The following EEPD1 variants were observed in gnomAD, a reference collection of about 807,000 sequenced individuals.
EEPD1 encodes endonuclease/exonuclease/phosphatase family domain containing 1, also known as endonuclease/exonuclease/phosphatase family domain-containing protein 1.
A neutral mutation model predicts 46.3 loss-of-function variants in EEPD1; 17 were observed. That is an observed-to-expected ratio of 0.37 (90% CI 0.25 to 0.55). EEPD1 has a LOEUF of 0.55. EEPD1 is among the 20% of genes least tolerant of loss of function. The probability of loss-of-function intolerance (pLI) is 0.83; values close to 1 mark genes in which losing one functional copy is unlikely to be tolerated. For synonymous variants in EEPD1, 313 were observed against 315.6 expected, an observed-to-expected ratio of 0.99 and a Z score of 0.09; for missense variants, 673 against 745.6, an observed-to-expected ratio of 0.90 and a Z score of 1.13.
intron 2 of EEPD1, among the ~76,000 whole-genome samples, chr7:36,218,951 C>T (rs1289975211): frequency 6.6e-6 from 1 of 151,884 alleles, no homozygotes; most frequent in Non-Finnish European, 1.5e-5. Context: ...AGGAGAAAGG[C>T]CTGGAGGAGA....
chr7:36,291,843 GACA>G (rs1280168875), intron 6 of EEPD1, among the ~76,000 whole-genome samples: 2 of 152,200 alleles, frequency 1.3e-5, no homozygotes, highest in Admixed American at 6.5e-5. Context: ...CCTGCTGTGG[GACA>G]ACAAGGGTCA....
chr7:36,259,395 T>C (rs1338091242), intron 3 of EEPD1, among the ~76,000 whole-genome samples: 1 of 152,238 alleles, frequency 6.6e-6, no homozygotes, highest in African/African-American at 2.4e-5. Context: ...TAGTAAGATA[T>C]AGAAACGTTA....
chr7:36,237,158 C>T (rs1242117614), intron 2 of EEPD1, among the ~76,000 whole-genome samples: 1 of 152,228 alleles, frequency 6.6e-6, no homozygotes, highest in African/African-American at 2.4e-5. Context: ...AGCTTCACTC[C>T]TCAAGTCAGC....
At chr7:36,209,173 A>G (rs1252921584) in intron 2 of EEPD1, among the ~76,000 whole-genome samples, 1 of 152,220 alleles carries the variant, frequency 6.6e-6, no homozygotes, top group Non-Finnish European at 1.5e-5. Context: ...TAAGCATACC[A>G]TAAGTGCTTG....
At chr7:36,259,168 C>T (rs1470958461) in intron 3 of EEPD1, among the ~76,000 whole-genome samples, 1 of 152,146 alleles carries the variant, frequency 6.6e-6, no homozygotes, top group Non-Finnish European at 1.5e-5. Context: ...CCTCCGTGGG[C>T]TGCACCCACT....
chr7:36,283,848 G>A (rs142054088), intron 4 of EEPD1, among the ~76,000 whole-genome samples: 2 of 152,328 alleles, frequency 1.3e-5, no homozygotes, highest in African/African-American at 2.4e-5. Flanking sequence ...ATGGGGAAGA[G>A]TGGTGATGAG....
At chr7:36,217,263 A>C (rs1311839119) in intron 2 of EEPD1, among the ~76,000 whole-genome samples, 1 of 152,262 alleles carries the variant, frequency 6.6e-6, no homozygotes, top group Admixed American at 6.5e-5. Flanking sequence ...GAGGTGGGCA[A>C]TTCCTGGAAC....
Position 36,153,511 on chromosome 7 carries a change from C to G in EEPD1, c.-356C>G, listed in dbSNP as rs1302882316. The G allele has an allele frequency of 6.6e-6, 1 of 152,280 alleles. No homozygotes were observed. The highest frequency in any genetic ancestry group is 2.4e-5 in the African/African-American group (1 of 41,452). The allele number at this position is 152,280 out of a possible 1,614,324, so 9.4% of individuals were successfully genotyped here. ...GTTTCTCCCATAGAAAGAGCCGGGA[C>G]ACGCAGACCGAAGCGGCGTAGTCGG... On this transcript the variant is annotated 5_prime_UTR_variant, in exon 1 of 8. Transcript: ENST00000242108.
chr7:36,197,947 G>A lies in EEPD1; in HGVS notation c.879-41038G>A, dbSNP rs151179485. On this transcript the variant is annotated intron_variant, in intron 2 of 7. Coordinates refer to ENST00000242108, the MANE Select transcript of EEPD1 (RefSeq NM_030636.3). ...TGGAAAATTCAACAATACTAGAATAGCATTCTTCCATGGAGCTGAGTAGTT... is the reference window on the plus strand; with the variant it reads ...TGGAAAATTCAACAATACTAGAATAACATTCTTCCATGGAGCTGAGTAGTT... 5.3e-3 allele frequency among the ~76,000 whole-genome samples: 804 copies of A among 151,848 alleles called. 4 individuals are homozygous for A. Among genetic ancestry groups the A allele is most frequent in the African/African-American group, 0.018 (756 of 41,426 alleles).
intron 3 of EEPD1, among the ~76,000 whole-genome samples, chr7:36,250,643 C>G (rs903621842): frequency 2.0e-5 from 3 of 152,150 alleles, no homozygotes; most frequent in African/African-American, 7.2e-5. Flanking sequence ...TCTTATTTGG[C>G]CTTTTATAGA....
intron 3 of EEPD1, among the ~76,000 whole-genome samples, chr7:36,249,190 A>G (rs1240332627): frequency 6.6e-6 from 1 of 152,206 alleles, no homozygotes; most frequent in East Asian, 1.9e-4. Flanking sequence ...TCCCTCAGCT[A>G]TCAAAGATAA....
chr7:36,211,583 A>G (rs1785934026), intron 2 of EEPD1, among the ~76,000 whole-genome samples: 2 of 152,188 alleles, frequency 1.3e-5, no homozygotes, highest in African/African-American at 4.8e-5. Context: ...AAACCCTGAG[A>G]AAAAAATCAG....
At chr7:36,157,290 C>T (rs1466826522) in intron 2 of EEPD1, among the ~76,000 whole-genome samples, 1 of 152,126 alleles carries the variant, frequency 6.6e-6, no homozygotes, top group Non-Finnish European at 1.5e-5. Context: ...TATAATTATT[C>T]AACCTTGTGA....
At chr7:36,197,164 CCCTCCGCCCGGCT>C in intron 2 of EEPD1, among the ~76,000 whole-genome samples, 1 of 144,214 alleles carries the variant, frequency 6.9e-6, no homozygotes, top group African/African-American at 2.6e-5. Context: ...AGTGAGGAGC[CCCTCCGCCCGGCT>C]GCCACCCCGT....
intron 2 of EEPD1, among the ~76,000 whole-genome samples, chr7:36,207,439 T>C (rs1785842118): frequency 6.6e-6 from 1 of 152,202 alleles, no homozygotes; most frequent in African/African-American, 2.4e-5. Flanking sequence ...CTGACCCTGG[T>C]ATGTCCATTT....
At chr7:36,292,075 G>A (rs1293525905) in intron 6 of EEPD1, among the ~76,000 whole-genome samples, 2 of 152,178 alleles carry the variant, frequency 1.3e-5, no homozygotes, top group Admixed American at 1.3e-4. Flanking sequence ...AACTTCCACT[G>A]TGTGTCTCTC....
chr7:36,210,064 G>A (rs1303259799), intron 2 of EEPD1, among the ~76,000 whole-genome samples: 3 of 152,132 alleles, frequency 2.0e-5, no homozygotes, highest in African/African-American at 4.8e-5. Flanking sequence ...TGCAGGCAGC[G>A]AGGGTTTCCA....
chr7:36,244,068 ATAGTCT>A lies in EEPD1; in HGVS notation c.930+5035_930+5040del, dbSNP rs1043193694. On this transcript the variant is annotated intron_variant, in intron 3 of 7. Transcript: ENST00000242108. Reference sequence around the variant, plus strand: ...ATAATAATAATTAAAAAAAAAGAAAATAGTCTTAATTCAATAGGTAGAGCCAGCAAA... The same window carrying A: ...ATAATAATAATTAAAAAAAAAGAAAATAATTCAATAGGTAGAGCCAGCAAA... 4.2e-4 allele frequency among the ~76,000 whole-genome samples: 62 copies of A among 148,998 alleles called. 1 individual carries two copies. Among genetic ancestry groups the A allele is most frequent in the African/African-American group, 1.3e-3 (53 of 40,532 alleles).
Position 36,154,867 on chromosome 7 carries a change from T to TG in EEPD1, c.545dup (p.Ile183TyrfsTer16), listed in dbSNP as rs1784800053. 6.2e-7 allele frequency: 1 copy of TG among 1,613,958 alleles called. No homozygotes were observed. Among genetic ancestry groups the TG allele is most frequent in the Non-Finnish European group, 8.5e-7 (1 of 1,180,028 alleles). On this transcript the variant is annotated frameshift_variant, in exon 2 of 8. Transcript: ENST00000242108. LOFTEE classifies it high-confidence loss of function. The surrounding 1 kb of genome is among the most constrained non-coding windows in gnomAD (Gnocchi z 4.2). ...GCGTTGAGGACCTAGTGAGGATGGA[T>TG]GGTATCAATGCCGCCTTCCTGGACA...
Sources: gnomAD v4.1 joint callset for allele counts (sites outside exome capture counted in the v4.1 genomes callset) on GRCh38, gnomAD v4.1.1 for gene constraint, Gnocchi (gnomAD v3.1) non-coding constraint, MANE v1.5 for transcripts, NCBI Gene and HGNC (gene_info 2026-07-23, HGNC 2026-07-21) for gene names.